SLC25A21: variants seen among roughly 807,000 people sequenced by gnomAD.
SLC25A21 encodes mitochondrial 2-oxodicarboxylate carrier.
SLC25A21 carries 47 observed loss-of-function variants against 43.8 expected under a neutral mutation model. That is an observed-to-expected ratio of 1.07 (90% CI 0.85 to 1.37). The LOEUF (loss-of-function observed/expected upper bound fraction) is 1.37. Ranked by LOEUF, SLC25A21 falls within the 40% of genes most tolerant of loss-of-function variation. The probability of loss-of-function intolerance (pLI) is 0.00; values close to 1 mark genes in which losing one functional copy is unlikely to be tolerated. For missense variants in SLC25A21, 352 were observed against 350.2 expected, an observed-to-expected ratio of 1.00 and a Z score of -0.04; for synonymous variants, 131 against 121.3, an observed-to-expected ratio of 1.08 and a Z score of -0.52.
At chr14:37,077,154 C>T (rs1962297539) in intron 1 of SLC25A21, among the ~76,000 whole-genome samples, 1 of 152,178 alleles carries the variant, frequency 6.6e-6, no homozygotes, top group African/African-American at 2.4e-5. Context: ...TCAATACTTG[C>T]ACCACGCTGA....
chr14:36,886,934 C>G (rs1238506776), intron 1 of SLC25A21, among the ~76,000 whole-genome samples: 3 of 152,094 alleles, frequency 2.0e-5, no homozygotes, highest in Non-Finnish European at 4.4e-5. Context: ...TTTATGGAAG[C>G]TTACTGCTAT....
chr14:36,940,634 C>A (rs1041729177), intron 1 of SLC25A21, among the ~76,000 whole-genome samples: 2 of 152,022 alleles, frequency 1.3e-5, no homozygotes, highest in East Asian at 3.9e-4. Context: ...AATATCTTAC[C>A]ATGCAACGTA....
chr14:36,795,250 T>C (rs1887635287), intron 3 of SLC25A21, among the ~76,000 whole-genome samples: 1 of 152,188 alleles, frequency 6.6e-6, no homozygotes, highest in Non-Finnish European at 1.5e-5. Context: ...TTTAACTTCG[T>C]TATTAAGGTC....
At chr14:36,971,302 T>A (rs915034791) in intron 1 of SLC25A21, among the ~76,000 whole-genome samples, 1 of 152,168 alleles carries the variant, frequency 6.6e-6, no homozygotes, top group Non-Finnish European at 1.5e-5. Flanking sequence ...AGCTAGAAGC[T>A]TGCACAGGTG....
chr14:36,810,788 A>G (rs1888212736), intron 3 of SLC25A21, among the ~76,000 whole-genome samples: 1 of 152,156 alleles, frequency 6.6e-6, no homozygotes, highest in Non-Finnish European at 1.5e-5. Context: ...CCCTTAGGAA[A>G]TATATTCTTG....
chr14:36,958,679 G>GCGCA (rs1399246300), intron 1 of SLC25A21, among the ~76,000 whole-genome samples: 1 of 136,844 alleles, frequency 7.3e-6, no homozygotes. Flanking sequence ...AAGCACACGT[G>GCGCA]CACACACACA....
At chr14:36,742,331 C>A (rs1885305150) in intron 3 of SLC25A21, among the ~76,000 whole-genome samples, 1 of 152,162 alleles carries the variant, frequency 6.6e-6, no homozygotes, top group South Asian at 2.1e-4. Flanking sequence ...CCACGCTCAA[C>A]CCTGGGTTAT....
chr14:36,780,100 CT>C (rs1383609859), intron 3 of SLC25A21, among the ~76,000 whole-genome samples: 7 of 151,722 alleles, frequency 4.6e-5, no homozygotes, highest in African/African-American at 1.2e-4. Context: ...AATTTATCCA[CT>C]TTTTTTGTAG....
intron 3 of SLC25A21, among the ~76,000 whole-genome samples, chr14:36,749,094 C>T (rs1379551344): frequency 6.6e-6 from 1 of 152,168 alleles, no homozygotes; most frequent in African/African-American, 2.4e-5. Flanking sequence ...AGATGCCAAA[C>T]TATAACCAAT....
chr14:36,747,677 G>T (rs1407479638), intron 3 of SLC25A21, among the ~76,000 whole-genome samples: 1 of 152,174 alleles, frequency 6.6e-6, no homozygotes, highest in African/African-American at 2.4e-5. Flanking sequence ...CAAGCAGACT[G>T]TTCCCCAAGT....
chr14:37,089,098 T>G (rs1379760413), intron 1 of SLC25A21, among the ~76,000 whole-genome samples: 7 of 152,180 alleles, frequency 4.6e-5, no homozygotes, highest in African/African-American at 1.4e-4. Context: ...GATTCAAAAA[T>G]GTTCACTCAT....
At chr14:36,723,577 G>A (rs1253123146) in intron 6 of SLC25A21, among the ~76,000 whole-genome samples, 3 of 152,110 alleles carry the variant, frequency 2.0e-5, no homozygotes, top group Non-Finnish European at 4.4e-5. Flanking sequence ...AATTTACACC[G>A]ACTGCATTTG....
At chr14:37,052,904 T>C (rs1961740203) in intron 1 of SLC25A21, among the ~76,000 whole-genome samples, 1 of 152,176 alleles carries the variant, frequency 6.6e-6, no homozygotes, top group Non-Finnish European at 1.5e-5. Context: ...TCCAAAAGTG[T>C]TAAGATTACA....
At chr14:36,851,243 G>C (rs2138515421) in intron 2 of SLC25A21, among the ~76,000 whole-genome samples, 1 of 152,262 alleles carries the variant, frequency 6.6e-6, no homozygotes, top group East Asian at 1.9e-4. Context: ...CCTAATTTCA[G>C]TGGCTGAAGA....
intron 1 of SLC25A21, among the ~76,000 whole-genome samples, chr14:36,926,025 A>C (rs1892121964): frequency 6.6e-6 from 1 of 152,178 alleles, no homozygotes; most frequent in South Asian, 2.1e-4. Context: ...GCATGTATAA[A>C]ACCTTCCACT....
intron 3 of SLC25A21, among the ~76,000 whole-genome samples, chr14:36,801,420 A>T (rs1240984391): frequency 6.6e-6 from 1 of 152,100 alleles, no homozygotes; most frequent in Non-Finnish European, 1.5e-5. Context: ...CTCCCTCCTC[A>T]GCCCAGACGT....
intron 1 of SLC25A21, among the ~76,000 whole-genome samples, chr14:36,940,947 T>C (rs1892540907): frequency 6.6e-6 from 1 of 152,126 alleles, no homozygotes; most frequent in Non-Finnish European, 1.5e-5. Flanking sequence ...TAAAAACCTG[T>C]TTCAGATTAA....
At chr14:37,083,838 C>T (rs1306628818) in intron 1 of SLC25A21, among the ~76,000 whole-genome samples, 1 of 152,226 alleles carries the variant, frequency 6.6e-6, no homozygotes, top group Non-Finnish European at 1.5e-5. Context: ...TAAACCACTA[C>T]ACTATACATA....
chr14:36,759,252 T>C (rs1247250799), intron 3 of SLC25A21, among the ~76,000 whole-genome samples: 1 of 152,220 alleles, frequency 6.6e-6, no homozygotes, highest in Non-Finnish European at 1.5e-5. Flanking sequence ...CTCATTTGAG[T>C]GGGCACCCTT....
Sources: allele counts gnomAD v4.1 joint callset (sites outside exome capture counted in the v4.1 genomes callset), GRCh38; gene constraint gnomAD v4.1.1; transcripts MANE v1.5; gene names NCBI Gene and HGNC (gene_info 2026-07-23, HGNC 2026-07-21).